CEMIP: variants seen among roughly 807,000 people sequenced by gnomAD.
The protein encoded by CEMIP is cell migration-inducing and hyaluronan-binding protein.
A neutral mutation model predicts 156.9 loss-of-function variants in CEMIP; 105 were observed. The ratio of observed to expected loss-of-function variants is 0.67; its 90% CI spans 0.57 to 0.79. The LOEUF is 0.79. CEMIP is among the 30% of genes least tolerant of loss of function. The pLI, the probability that CEMIP is intolerant of heterozygous loss-of-function variation, is 0.00. For missense variants in CEMIP, 1,457 were observed against 1,769.4 expected (o/e 0.82, Z 3.17); for synonymous variants, 676 against 668.4 (o/e 1.01, Z -0.17).
intron 7 of CEMIP, among the ~76,000 whole-genome samples, chr15:80,886,514 A>G (rs1434302503): frequency 6.6e-6 from 1 of 152,182 alleles, no homozygotes; most frequent in African/African-American, 2.4e-5. Flanking sequence ...TCAGCACCAA[A>G]ATCGATTGAT....
chr15:80,869,300 A>G (rs1227047666), intron 1 of CEMIP, among the ~76,000 whole-genome samples: 1 of 152,180 alleles, frequency 6.6e-6, no homozygotes, highest in Admixed American at 6.5e-5. Flanking sequence ...ATTTCCACAT[A>G]TGAATTTGGG....
chr15:80,786,703 C>A, intron 1 of CEMIP, among the ~76,000 whole-genome samples: 1 of 151,944 alleles, frequency 6.6e-6, no homozygotes, highest in African/African-American at 2.4e-5. Flanking sequence ...ACATGGAGGA[C>A]CAGTGAGAAG....
intron 1 of CEMIP, among the ~76,000 whole-genome samples, chr15:80,782,452 C>A (rs981838646): frequency 6.6e-6 from 1 of 152,182 alleles, no homozygotes; most frequent in African/African-American, 2.4e-5. Flanking sequence ...GAGCAGTGAG[C>A]ACTTATTTGA....
intron 1 of CEMIP, among the ~76,000 whole-genome samples, chr15:80,796,234 G>A (rs1392289167): frequency 2.6e-5 from 4 of 152,090 alleles, no homozygotes; most frequent in African/African-American, 9.7e-5. Flanking sequence ...TCGGCCTCCC[G>A]AGCAGTTGGG....
At chr15:80,946,512 C>T (rs753595778) in intron 28 of CEMIP, 6 of 184,018 alleles carry the variant, frequency 3.3e-5, no homozygotes, top group Non-Finnish European at 5.8e-5. Flanking sequence ...TCCGCCTTCC[C>T]GCACCTCCTC....
chr15:80,856,449 A>C (rs1378996985), intron 1 of CEMIP, among the ~76,000 whole-genome samples: 1 of 152,230 alleles, frequency 6.6e-6, no homozygotes, highest in Non-Finnish European at 1.5e-5. Flanking sequence ...TGTTACTGGT[A>C]GCATCTAGGT....
At chr15:80,929,774 C>T (rs945782976) in intron 21 of CEMIP, among the ~76,000 whole-genome samples, 1 of 152,202 alleles carries the variant, frequency 6.6e-6, no homozygotes, top group Non-Finnish European at 1.5e-5. Flanking sequence ...TTTTTAATGT[C>T]AGATATGCTC....
chr15:80,895,380 C>G (rs1386519968), intron 11 of CEMIP, among the ~76,000 whole-genome samples: 1 of 152,092 alleles, frequency 6.6e-6, no homozygotes, highest in African/African-American at 2.4e-5. Flanking sequence ...CCCTCCCCTG[C>G]AGAGATGTGC....
chr15:80,943,040 G>A lies in CEMIP; in HGVS notation c.3795G>A (p.Arg1265=). The change falls in exon 28 of 30, where the codon AGG becomes AGA. Residue 1265 remains arginine, a synonymous_variant. Coordinates refer to ENST00000394685, the MANE Select transcript of CEMIP (RefSeq NM_001293298.2). Reference sequence around the variant, plus strand: ...GCGTGGTGAGCCACACGAGCTTCAGGAACTCCATTCTGCAAGGCATACCAT... The same window carrying A: ...GCGTGGTGAGCCACACGAGCTTCAGAAACTCCATTCTGCAAGGCATACCAT... ...QGRVVSHTSF[R]NSILQGIPWQ... The A allele has an allele frequency of 2.5e-6, 4 of 1,614,198 alleles. No individual in the cohort carries two copies. Among genetic ancestry groups the A allele is most frequent in the Non-Finnish European group, 3.4e-6 (4 of 1,180,036 alleles).
rs180849686 is a variant in CEMIP at position 80,951,417 on chromosome 15, A to C, written c.*2493A>C. On this transcript the variant is annotated 3_prime_UTR_variant, in exon 30 of 30. Coordinates refer to ENST00000394685, the MANE Select transcript of CEMIP (RefSeq NM_001293298.2). Reference sequence around the variant, plus strand: ...TGCTTAGAAAATTGTCCTCCTTGTTATTTCTGTTTGTAAGACTTAAGTGAG... The same window carrying C: ...TGCTTAGAAAATTGTCCTCCTTGTTCTTTCTGTTTGTAAGACTTAAGTGAG... 201 of 152,590 alleles carry C rather than the reference A, an allele frequency of 1.3e-3. No individual in the cohort carries two copies. The highest frequency in any genetic ancestry group is 4.6e-3 in the African/African-American group (192 of 41,526). 9.5% of individuals were successfully genotyped at this position (152,590 alleles called of 1,614,324 possible). A position where few individuals can be genotyped will look rare whatever the true frequency, so the allele number is the denominator to read the frequency against.
chr15:80,910,661 A>G (rs7172275), intron 14 of CEMIP, among the ~76,000 whole-genome samples: 15,252 of 152,270 alleles, frequency 0.1, 2,495 homozygotes, highest in African/African-American at 0.35. Flanking sequence ...CAAGGGCTTG[A>G]TCCACAGATT....
At position 80,948,938 on chromosome 15, in the gene CEMIP, C is replaced by T; in HGVS notation, c.*14C>T. ...AAGAAGTTGTGAGGACAGCTGCCGC[C>T]CGGTGCCACCTCGTGGTAGACTATG... On this transcript the variant is annotated 3_prime_UTR_variant, in exon 30 of 30. Coordinates refer to ENST00000394685, the MANE Select transcript of CEMIP (RefSeq NM_001293298.2). 6.2e-7 allele frequency: 1 copy of T among 1,614,170 alleles called. No homozygotes were observed. The highest frequency in any genetic ancestry group is 8.5e-7 in the Non-Finnish European group (1 of 1,180,006).
intron 12 of CEMIP, among the ~76,000 whole-genome samples, chr15:80,899,226 A>AAGG: frequency 2.1e-3 from 1 of 472 alleles, no homozygotes. Flanking sequence ...AAAAAAAAAA[A>AAGG]AAGAAAGAAA....
At chr15:80,925,542 A>T in intron 18 of CEMIP, 82 bp from the exon 19 acceptor site, 2 of 1,562,952 alleles carry the variant, frequency 1.3e-6, no homozygotes, top group South Asian at 2.3e-5. Context: ...GAGTAGAGAG[A>T]GGCTCACAGA....
intron 1 of CEMIP, among the ~76,000 whole-genome samples, chr15:80,781,241 A>C (rs1895785542): frequency 6.6e-6 from 1 of 152,266 alleles, no homozygotes; most frequent in Non-Finnish European, 1.5e-5. Context: ...GGGAGGATAT[A>C]TTAGTTTTAC....
intron 18 of CEMIP, among the ~76,000 whole-genome samples, chr15:80,925,166 A>G (rs1439023688): frequency 6.6e-6 from 1 of 152,240 alleles, no homozygotes; most frequent in African/African-American, 2.4e-5. Flanking sequence ...TTAAAGAGAC[A>G]AGTTGCTTGG....
At position 80,932,567 on chromosome 15, in the gene CEMIP, G is replaced by C. The variant is rs1567108066; in HGVS notation, c.2793+528G>C. On this transcript the variant is annotated intron_variant, in intron 22 of 29. Coordinates refer to ENST00000394685, the MANE Select transcript of CEMIP (RefSeq NM_001293298.2). This position sits in a 1 kb window ranked among gnomAD's most constrained non-coding sequence, Gnocchi z 4.5. ...GGGCTGCCCTGTGAGACCAGCCGGG[G>C]CCAGTCCTCCTGTGCATTTCCTTCA... is the stretch of plus-strand genomic sequence containing the variant. 6.6e-6 allele frequency among the ~76,000 whole-genome samples: 1 copy of C among 152,156 alleles called. No individual in the cohort carries two copies. Among genetic ancestry groups the C allele is most frequent in the Non-Finnish European group, 1.5e-5 (1 of 68,042 alleles).
chr15:80,943,627 C>T (rs1901427085), intron 28 of CEMIP, among the ~76,000 whole-genome samples: 1 of 152,220 alleles, frequency 6.6e-6, no homozygotes, highest in Admixed American at 6.5e-5. Flanking sequence ...ATAGCCAGGC[C>T]AGAATCTGGG....
chr15:80,846,282 T>C (rs559039683), intron 1 of CEMIP, among the ~76,000 whole-genome samples: 7 of 152,270 alleles, frequency 4.6e-5, no homozygotes, highest in Admixed American at 2.0e-4. Flanking sequence ...CATTCACTTA[T>C]AGTCACTCAA....
Sources: allele counts gnomAD v4.1 joint callset (sites outside exome capture counted in the v4.1 genomes callset), GRCh38; gene constraint gnomAD v4.1.1; non-coding constraint Gnocchi (gnomAD v3.1); transcripts MANE v1.5; gene names NCBI Gene and HGNC (gene_info 2026-07-23, HGNC 2026-07-21).